ABCB1: variants seen among roughly 807,000 people sequenced by gnomAD.
ABCB1 encodes the protein ATP binding cassette subfamily B member 1.
Under a neutral mutation model 142.0 loss-of-function variants are expected in ABCB1, and 69 were observed. The ratio of observed to expected loss-of-function variants is 0.49; its 90% confidence interval spans 0.40 to 0.59. ABCB1 has a LOEUF of 0.59. Among genes scored for constraint, ABCB1 ranks in the 20% least tolerant of loss-of-function variants. The pLI, the probability that ABCB1 is intolerant of heterozygous loss-of-function variation, is 0.00. For synonymous variants in ABCB1, 532 were observed against 539.2 expected (o/e 0.99, Z 0.18); for missense variants, 1,326 against 1,554.7 (o/e 0.85, Z 2.47).
chr7:87,603,973 C>T (rs1236698088), upstream of ABCB1, among the ~76,000 whole-genome samples: 1 of 152,120 alleles, frequency 6.6e-6, no homozygotes, highest in Non-Finnish European at 1.5e-5. Flanking sequence ...TAATAATGCC[C>T]TCTTCTCAAT....
chr7:87,591,123 G>A (rs1265886317), intron 3 of ABCB1, among the ~76,000 whole-genome samples: 1 of 152,120 alleles, frequency 6.6e-6, no homozygotes, highest in Non-Finnish European at 1.5e-5. Flanking sequence ...GAGGGAGGAG[G>A]GGGCCTGGAG....
At chr7:87,521,188 A>G in intron 21 of ABCB1, 1 of 398,678 alleles carries the variant, frequency 2.5e-6, no homozygotes, top group South Asian at 2.7e-5. Flanking sequence ...CAGTACTTCT[A>G]TTGCAGTGCT....
chr7:87,525,263 G>T (rs1815732665), intron 21 of ABCB1, among the ~76,000 whole-genome samples: 1 of 152,040 alleles, frequency 6.6e-6, no homozygotes, highest in South Asian at 2.1e-4. Flanking sequence ...TAATTTTGAA[G>T]AAATAAAAAT....
At chr7:87,643,818 C>T (rs2188532) in intron 1 of ABCB1, among the ~76,000 whole-genome samples, 4,750 of 150,516 alleles carry the variant, frequency 0.032, 72 homozygotes, top group Middle Eastern at 0.05. Context: ...TGAGCCACCA[C>T]GCCCGGCCAA....
chr7:87,669,107 G>T (rs1825572113), intron 1 of ABCB1, among the ~76,000 whole-genome samples: 1 of 152,078 alleles, frequency 6.6e-6, no homozygotes, highest in Non-Finnish European at 1.5e-5. Context: ...TTCCATGGGA[G>T]TTTGTGCCTC....
At chr7:87,707,810 T>C (rs950865128) in intron 1 of ABCB1, among the ~76,000 whole-genome samples, 1 of 152,132 alleles carries the variant, frequency 6.6e-6, no homozygotes, top group Non-Finnish European at 1.5e-5. Context: ...TTGCAGAGGA[T>C]TGAAATTGTG....
intron 1 of ABCB1, among the ~76,000 whole-genome samples, chr7:87,646,341 T>C (rs541389853): frequency 5.2e-4 from 79 of 152,272 alleles, no homozygotes; most frequent in African/African-American, 1.9e-3. Flanking sequence ...CTAGTGTTAT[T>C]CCTGGAGAAC....
Position 87,547,313 on chromosome 7 carries a change from A to C in ABCB1, c.1726-1289T>G, listed in dbSNP as rs1816825571. 3.3e-5 allele frequency among the ~76,000 whole-genome samples: 5 copies of C among 152,220 alleles called. No homozygotes were observed. In the South Asian group the frequency reaches 1.0e-3, roughly 31 times the overall value. On this transcript the variant is annotated intron_variant, in intron 14 of 27. Coordinates refer to ENST00000622132, the MANE Select transcript of ABCB1 (RefSeq NM_001348946.2). ...TCAATTTTTGTATCTTTTTAAGAAA[A>C]AAGGGGTATGTGGAATTTCCCCTCA...
intron 1 of ABCB1, among the ~76,000 whole-genome samples, chr7:87,690,299 T>C: frequency 6.6e-6 from 1 of 152,194 alleles, no homozygotes; most frequent in Non-Finnish European, 1.5e-5. Context: ...ATTGTTCATG[T>C]GATCTATATT....
chr7:87,635,600 C>T (rs1821689284), intron 1 of ABCB1, among the ~76,000 whole-genome samples: 1 of 151,926 alleles, frequency 6.6e-6, no homozygotes, highest in South Asian at 2.1e-4. Context: ...TCTACTATGC[C>T]ACTATTCTTT....
intron 26 of ABCB1, among the ~76,000 whole-genome samples, chr7:87,508,851 C>T (rs897033499): frequency 2.6e-5 from 4 of 152,058 alleles, no homozygotes; most frequent in Non-Finnish European, 4.4e-5. Flanking sequence ...GACAGTCATG[C>T]CTACTTCCTC....
At chr7:87,681,116 A>G (rs1227562019) in intron 1 of ABCB1, among the ~76,000 whole-genome samples, 5 of 150,612 alleles carry the variant, frequency 3.3e-5, no homozygotes, top group Admixed American at 6.6e-5. Flanking sequence ...CTTGAAAGAC[A>G]AATCCTAACA....
chr7:87,643,909 A>G (rs150643705), intron 1 of ABCB1, among the ~76,000 whole-genome samples: 5 of 152,048 alleles, frequency 3.3e-5, no homozygotes, highest in African/African-American at 1.2e-4. Context: ...CCCAGGCTGG[A>G]GTGCACTGGC....
At chr7:87,647,923 G>A (rs981648142) in intron 1 of ABCB1, among the ~76,000 whole-genome samples, 11 of 152,106 alleles carry the variant, frequency 7.2e-5, no homozygotes, top group Admixed American at 6.5e-4. Flanking sequence ...GGTGGCTCAT[G>A]CCTGTAATCC....
At chr7:87,631,492 G>A (rs796652878) in intron 1 of ABCB1, among the ~76,000 whole-genome samples, 1 of 152,116 alleles carries the variant, frequency 6.6e-6, no homozygotes, top group East Asian at 1.9e-4. Context: ...CCGGGTTCAC[G>A]CCATTCTCCT....
intron 27 of ABCB1, among the ~76,000 whole-genome samples, chr7:87,504,840 A>G (rs186805015): frequency 3.3e-5 from 5 of 152,148 alleles, no homozygotes; most frequent in African/African-American, 1.2e-4. Context: ...ACAACAATAC[A>G]ACAATAGATC....
chr7:87,669,821 G>A, intron 1 of ABCB1, among the ~76,000 whole-genome samples: 1 of 152,126 alleles, frequency 6.6e-6, no homozygotes, highest in East Asian at 1.9e-4. Flanking sequence ...GGCTTGTAGG[G>A]TTTCAGCTGA....
intron 1 of ABCB1, among the ~76,000 whole-genome samples, chr7:87,615,184 A>C (rs1819994858): frequency 6.6e-6 from 1 of 152,148 alleles, no homozygotes; most frequent in African/African-American, 2.4e-5. Flanking sequence ...CTGCTACACT[A>C]TACATTCACA....
intron 3 of ABCB1, among the ~76,000 whole-genome samples, chr7:87,594,487 A>T (rs1325709343): frequency 1.3e-5 from 2 of 152,200 alleles, no homozygotes; most frequent in Non-Finnish European, 1.5e-5. Context: ...TCTAAAATAT[A>T]AGACTCCTAA....
Sources: gnomAD v4.1 joint callset for allele counts (sites outside exome capture counted in the v4.1 genomes callset) on GRCh38, gnomAD v4.1.1 for gene constraint, MANE v1.5 for transcripts, NCBI Gene and HGNC (gene_info 2026-07-23, HGNC 2026-07-21) for gene names.